Variants in TNRC6C observed in about 807,000 individuals in gnomAD.
The protein encoded by TNRC6C is trinucleotide repeat containing adaptor 6C, also known as trinucleotide repeat-containing gene 6C protein.
In TNRC6C, 20 loss-of-function variants were observed where a neutral mutation model predicts 153.7. That is an observed-to-expected ratio of 0.13 (90% CI 0.09 to 0.19). The LOEUF (loss-of-function observed/expected upper bound fraction) is 0.19, where lower values mean the gene tolerates loss of function less well. Ranked by LOEUF, TNRC6C falls within the 10% of genes least tolerant of loss-of-function variation. The pLI is 1.00. For missense variants in TNRC6C, 1,987 were observed against 2,172.0 expected, an observed-to-expected ratio of 0.91 and a Z score of 1.69; for synonymous variants, 811 against 841.4, an observed-to-expected ratio of 0.96 and a Z score of 0.63.
At chr17:78,071,807 A>T (rs572312587) in intron 6 of TNRC6C, among the ~76,000 whole-genome samples, 4 of 152,378 alleles carry the variant, frequency 2.6e-5, no homozygotes, top group Admixed American at 6.5e-5. Flanking sequence ...ATCACAAAAG[A>T]AAACTTGATG....
chr17:77,963,680 C>G (rs985981105), intron 1 of TNRC6C, among the ~76,000 whole-genome samples: 1 of 152,216 alleles, frequency 6.6e-6, no homozygotes, highest in Non-Finnish European at 1.5e-5. Context: ...TGTTCGCACT[C>G]TCCTGAGCCC....
intron 16 of TNRC6C, chr17:78,097,785 T>C (rs2290906): frequency 0.17 from 271,062 of 1,550,700 alleles, 27,346 homozygotes; most frequent in African/African-American, 0.36. Context: ...CGCTGCCTTC[T>C]TCGAGTGCCT....
exon 20 of TNRC6C, chr17:78,105,096 A>T: frequency 2.5e-6 from 1 of 393,656 alleles, no homozygotes; most frequent in Non-Finnish European, 4.4e-6. Flanking sequence ...ATGTTTGTAT[A>T]GTGTGTTGTC....
chr17:78,087,137 G>A (rs771896240), intron 13 of TNRC6C, 44 bp downstream of exon 15: 1 of 1,597,452 alleles, frequency 6.3e-7, no homozygotes, highest in East Asian at 2.2e-5. Flanking sequence ...GGTAGAGAGG[G>A]TACCTGGAGT....
At chr17:77,963,230 T>G (rs562083671) in intron 1 of TNRC6C, among the ~76,000 whole-genome samples, 4 of 152,338 alleles carry the variant, frequency 2.6e-5, no homozygotes, top group African/African-American at 9.6e-5. Context: ...TATATAACCT[T>G]GTGCAGAAAG....
rs1407228447 is a variant in TNRC6C at position 78,082,991 on chromosome 17, C to T, written c.3358-56C>T. 4.4e-6 allele frequency: 7 copies of T among 1,592,302 alleles called. No homozygotes were observed. The East Asian group carries it at 1.6e-4, about 36-fold the overall frequency. On this transcript the variant is annotated intron_variant, in intron 10 of 19. Transcript: ENST00000301624. The stretch of plus-strand genomic sequence containing the variant: ...TTTGAATTTTGAAAAACTACAGGTA[C>T]AAGTAACTATTTTAACAGAGATACA...
At chr17:78,108,742 C>G (rs2073758749) in exon 20 of TNRC6C, 1 of 153,426 alleles carries the variant, frequency 6.5e-6, no homozygotes, top group South Asian at 2.1e-4. Context: ...GAAAAAGAGG[C>G]TTGAGGAAGA....
At chr17:77,983,848 A>G (rs1212663705) in intron 1 of TNRC6C, among the ~76,000 whole-genome samples, 1 of 152,210 alleles carries the variant, frequency 6.6e-6, no homozygotes, top group Non-Finnish European at 1.5e-5. Context: ...GGGACTGTTA[A>G]CTGAATTTTA....
chr17:77,958,050 G>A (rs772406517), upstream of TNRC6C, among the ~76,000 whole-genome samples: 1 of 152,208 alleles, frequency 6.6e-6, no homozygotes, highest in Non-Finnish European at 1.5e-5. Context: ...GCCGGGAGGC[G>A]CGAGGCGAGC....
chr17:77,970,703 T>C (rs2070933866), intron 1 of TNRC6C, among the ~76,000 whole-genome samples: 1 of 152,138 alleles, frequency 6.6e-6, no homozygotes, highest in Non-Finnish European at 1.5e-5. Flanking sequence ...CAGTTATTAA[T>C]GTTAGTGTAT....
chr17:77,980,060 A>G (rs1260783819), intron 1 of TNRC6C, among the ~76,000 whole-genome samples: 2 of 152,256 alleles, frequency 1.3e-5, no homozygotes, highest in South Asian at 2.1e-4. Flanking sequence ...TAGAGGTACT[A>G]TAAAGAAAGT....
chr17:78,061,414 A>C (rs1421638210), intron 3 of TNRC6C, among the ~76,000 whole-genome samples: 1 of 152,200 alleles, frequency 6.6e-6, no homozygotes, highest in South Asian at 2.1e-4. Flanking sequence ...ATTGCATTTC[A>C]GTTTTTAGCA....
upstream of TNRC6C, chr17:78,004,353 C>T (rs2143187581): frequency 1.6e-6 from 2 of 1,223,196 alleles, no homozygotes; most frequent in South Asian, 8.3e-5. Context: ...GACAAGGTTT[C>T]ATTCTGTTAC....
intron 1 of TNRC6C, among the ~76,000 whole-genome samples, chr17:78,007,016 T>G (rs939197750): frequency 1.3e-5 from 2 of 151,206 alleles, no homozygotes; most frequent in African/African-American, 4.9e-5. Context: ...TAATTTTTTG[T>G]ATTTTTAGTA....
rs1180002379 is a variant in TNRC6C, at chr17:78,104,741, A to G, written c.4969A>G (p.Ser1657Gly). The G allele has an allele frequency of 1.3e-6, 2 of 1,519,172 alleles. No homozygotes were observed. The highest frequency in any genetic ancestry group is 5.0e-5 in the East Asian group (2 of 40,092). 94.1% of individuals were successfully genotyped at this position (1,519,172 alleles called of 1,614,324 possible). Reference sequence around the variant, plus strand: ...GGGCGGGGTGCCCCAGTACTCCAGCAGCCTGTGGGGCCCGCCCAGCGCCGA... The same window carrying G: ...GGGCGGGGTGCCCCAGTACTCCAGCGGCCTGTGGGGCCCGCCCAGCGCCGA... The change falls in exon 20 of 20, where the codon AGC becomes GGC. Residue 1657 changes from serine (S) to glycine (G), a missense_variant. Ser to Gly is a moderately conservative substitution (Grantham distance 56). Transcript: ENST00000301624. This position sits in a 1 kb window ranked among gnomAD's most constrained non-coding sequence, Gnocchi z 6.2.
At chr17:78,101,573 A>G (rs140595295) in intron 17 of TNRC6C, among the ~76,000 whole-genome samples, 1,565 of 152,244 alleles carry the variant, frequency 0.01, 10 homozygotes, top group Non-Finnish European at 0.015. Flanking sequence ...GAAGTGGGAA[A>G]TCGGGGGTCT....
At chr17:78,004,208 TGGAAGAAAAGAAAAAGAAAAAGCA>T, upstream of TNRC6C, 4 of 1,231,590 alleles carry the variant, frequency 3.2e-6, no homozygotes, top group Non-Finnish European at 3.0e-6. Flanking sequence ...GAACGTTTGA[TGGAAGAAAAGAAAAAGAAAAAGCA>T]GGAAGAAAAG....
At chr17:77,962,925 A>G (rs1019745817) in intron 1 of TNRC6C, among the ~76,000 whole-genome samples, 1 of 152,242 alleles carries the variant, frequency 6.6e-6, no homozygotes, top group Non-Finnish European at 1.5e-5. Context: ...TGAAGATGTC[A>G]TAGATTTGAG....
intron 4 of TNRC6C, 105 bp downstream of exon 6, chr17:78,065,042 A>C (rs2072846711): frequency 1.5e-6 from 2 of 1,294,694 alleles, no homozygotes; most frequent in Non-Finnish European, 1.1e-6. Context: ...TTATATTTAC[A>C]CTTTAACTAC....
Sources: allele counts gnomAD v4.1 joint callset (sites outside exome capture counted in the v4.1 genomes callset), GRCh38; gene constraint gnomAD v4.1.1; non-coding constraint Gnocchi (gnomAD v3.1); transcripts MANE v1.5; gene names NCBI Gene and HGNC (gene_info 2026-07-23, HGNC 2026-07-21).